The following SHCBP1 variants were observed in gnomAD, a reference collection of about 807,000 sequenced individuals.
SHCBP1 encodes SHC SH2 domain-binding protein 1.
In SHCBP1, 60 loss-of-function variants were observed where a neutral mutation model predicts 75.1. That is an observed-to-expected ratio of 0.80 (90% CI 0.65 to 0.99). SHCBP1 has a LOEUF of 0.99. Among genes scored for constraint, SHCBP1 ranks in the 50% least tolerant of loss-of-function variants. SHCBP1 has a pLI of 0.00. For missense variants in SHCBP1, 709 were observed against 809.4 expected, an observed-to-expected ratio of 0.88 and a Z score of 1.50; for synonymous variants, 290 against 293.2, an observed-to-expected ratio of 0.99 and a Z score of 0.11.
rs1306317986 is a variant in SHCBP1, at chr16:46,581,810, C to A, written c.1938G>T (p.Met646Ile). 6.2e-7 allele frequency: 1 copy of A among 1,614,200 alleles called. No individual in the cohort carries two copies. The highest frequency in any genetic ancestry group is 8.5e-7 in the Non-Finnish European group (1 of 1,180,028). Residue 646 changes from methionine (M) to isoleucine (I), a missense_variant, in exon 13 of 13, where the codon ATG (methionine) becomes ATT (isoleucine). Met to Ile is a conservative substitution (Grantham distance 10). Transcript: ENST00000303383. ...CAATCCCAACAAACATCTCCTGTGA[C>A]ATTAAGTTGTCATCAGCTTGCGTGA... ...LGITQADDNL[M>I]SQEMFVGIVG...
chr16:46,579,031 T>C lies in SHCBP1; in HGVS notation c.*2698A>G, dbSNP rs1291820757. 2.6e-5 allele frequency among the ~76,000 whole-genome samples: 4 copies of C among 152,306 alleles called. No individual in the cohort carries two copies. The East Asian group carries it at 7.7e-4, about 29-fold the overall frequency. On this transcript the variant is annotated 3_prime_UTR_variant, in exon 13 of 13. Coordinates refer to ENST00000303383, the MANE Select transcript of SHCBP1 (RefSeq NM_024745.5). ...ATGATCTCTGGGCAGTTTTTAAAAA[T>C]ATATTCGTGTTAATATCTATGGTGC...
intron 9 of SHCBP1, among the ~76,000 whole-genome samples, chr16:46,599,614 G>C (rs1965195884): frequency 1.5e-5 from 2 of 136,584 alleles, no homozygotes; most frequent in South Asian, 2.5e-4. Context: ...TATGCTCTTG[G>C]GAAAATGGTG....
At chr16:46,618,141 A>T in intron 2 of SHCBP1, 64 bp downstream of exon 2, 1 of 1,489,126 alleles carries the variant, frequency 6.7e-7, no homozygotes, top group Non-Finnish European at 9.0e-7. Context: ...GCACCATCGC[A>T]CTCCAGCCTG....
At chr16:46,588,558 A>T (rs996549681) in intron 10 of SHCBP1, among the ~76,000 whole-genome samples, 2 of 152,226 alleles carry the variant, frequency 1.3e-5, no homozygotes, top group African/African-American at 4.8e-5. Flanking sequence ...ATGCAAATAA[A>T]CTAGAAAATC....
At chr16:46,610,683 C>T (rs764193849) in intron 4 of SHCBP1, among the ~76,000 whole-genome samples, 4 of 150,778 alleles carry the variant, frequency 2.7e-5, no homozygotes, top group East Asian at 2.0e-4. Context: ...CTCAGCCTCC[C>T]GAGTAGCTGG....
intron 3 of SHCBP1, 61 bp downstream of exon 3, chr16:46,617,573 A>G: frequency 7.8e-7 from 1 of 1,283,968 alleles, no homozygotes; most frequent in East Asian, 2.3e-5. Context: ...TTTGGATATA[A>G]CAGTCTGAAG....
Position 46,617,711 on chromosome 16 carries a change from C to A in SHCBP1, c.310G>T (p.Glu104Ter). The stretch of plus-strand genomic sequence containing the variant: ...GGCTCAAGGACCTTCTCCAAGAACT[C>A]AGCTGTGAATTCCTGTACCTCAGAG... ...KASEVQEFTA[E>*]FLEKVLEPSG... Residue 104 changes from glutamate to a stop codon, truncating the protein, a stop_gained, in exon 3 of 13, where the codon GAG becomes TAG. Transcript: ENST00000303383. LOFTEE classifies it high-confidence loss of function. 1 of 1,613,102 alleles carries A rather than the reference C, an allele frequency of 6.2e-7. No homozygotes were observed. Among genetic ancestry groups the A allele is most frequent in the Non-Finnish European group, 8.5e-7 (1 of 1,180,010 alleles).
intron 4 of SHCBP1, 63 bp downstream of exon 4, chr16:46,615,883 A>T (rs1965488435): frequency 7.2e-6 from 11 of 1,517,692 alleles, no homozygotes; most frequent in Non-Finnish European, 1.0e-5. Context: ...CACAGACCAG[A>T]ATTACTTCAT....
At position 46,617,688 on chromosome 16, in the gene SHCBP1, C is replaced by T. The variant is rs1965523186; in HGVS notation, c.333G>A (p.Glu111=). The T allele has an allele frequency of 6.2e-7, 1 of 1,613,576 alleles. No homozygotes were observed. Among genetic ancestry groups the T allele is most frequent in the South Asian group, 1.1e-5 (1 of 91,050 alleles). The change falls in exon 3 of 13, where the codon GAG becomes GAA. Residue 111 remains glutamate (E), a synonymous_variant. Transcript: ENST00000303383. The part of the protein sequence containing the change: ...FTAEFLEKVL[E]PSGWRAVWHT... ...GCCAGACTGCCCGCCATCCAGATGG[C>T]TCAAGGACCTTCTCCAAGAACTCAG... is the stretch of plus-strand genomic sequence containing the variant.
chr16:46,587,784 G>A (rs1964975416), intron 10 of SHCBP1, among the ~76,000 whole-genome samples: 1 of 152,110 alleles, frequency 6.6e-6, no homozygotes, highest in African/African-American at 2.4e-5. Context: ...GGATACCCAG[G>A]AATTGAACTC....
At chr16:46,615,753 A>T (rs1294205882) in intron 4 of SHCBP1, among the ~76,000 whole-genome samples, 193 bp downstream of exon 4, 1 of 151,738 alleles carries the variant, frequency 6.6e-6, no homozygotes, top group Admixed American at 6.6e-5. Context: ...ATTAAAAAAT[A>T]AAAAAAAAGA....
intron 10 of SHCBP1, among the ~76,000 whole-genome samples, chr16:46,592,975 A>AAAAAAAAAAAAAAC (rs1965073602): frequency 6.8e-6 from 1 of 148,032 alleles, no homozygotes; most frequent in African/African-American, 2.5e-5. Context: ...AAAAAAAAAA[A>AAAAAAAAAAAAAAC]AGCAGAAATT....
intron 10 of SHCBP1, among the ~76,000 whole-genome samples, chr16:46,588,028 C>T (rs1386229893): frequency 3.9e-5 from 6 of 152,262 alleles, no homozygotes; most frequent in South Asian, 4.1e-4. Context: ...AACAAAACTG[C>T]TCCACTACAT....
intron 10 of SHCBP1, among the ~76,000 whole-genome samples, chr16:46,587,927 C>T (rs1033723752): frequency 6.6e-6 from 1 of 152,192 alleles, no homozygotes; most frequent in African/African-American, 2.4e-5. Context: ...AAGCACTCCT[C>T]AGCAAATATA....
Position 46,580,680 on chromosome 16 carries a change from G to A in SHCBP1, c.*1049C>T, listed in dbSNP as rs866652634. Reference sequence around the variant, plus strand: ...CAAGAACACCCAGCAGATACAGGTTGTACAGTTAATCATTTTGACTGTGTC... The same window carrying A: ...CAAGAACACCCAGCAGATACAGGTTATACAGTTAATCATTTTGACTGTGTC... On this transcript the variant is annotated 3_prime_UTR_variant, in exon 13 of 13. Coordinates refer to ENST00000303383, the MANE Select transcript of SHCBP1 (RefSeq NM_024745.5). 2 of 151,982 alleles carry A rather than the reference G, an allele frequency of 1.3e-5. No individual in the cohort carries two copies. Among genetic ancestry groups the A allele is most frequent in the African/African-American group, 2.4e-5 (1 of 41,376 alleles). The allele number at this position is 151,982 out of a possible 1,614,324, so 9.4% of individuals were successfully genotyped here. A position where few individuals can be genotyped will look rare whatever the true frequency, so the allele number is the denominator to read the frequency against.
chr16:46,585,481 C>A lies in SHCBP1; in HGVS notation c.1465-1392G>T, dbSNP rs186193456. Among the ~76,000 whole-genome samples, 78 of 152,240 alleles carry A rather than the reference C, an allele frequency of 5.1e-4. 1 individual carries two copies. The highest frequency in any genetic ancestry group is 3.4e-3 in the Middle Eastern group (1 of 294). ...TGCTTCATAATCCCTAGACTTGGAG[C>A]TGAAGAAGCCAGCAATCCAGTACAC... On this transcript the variant is annotated intron_variant, in intron 10 of 12. Coordinates refer to ENST00000303383, the MANE Select transcript of SHCBP1 (RefSeq NM_024745.5).
intron 1 of SHCBP1, among the ~76,000 whole-genome samples, chr16:46,619,023 A>G (rs1274660401): frequency 2.0e-5 from 3 of 152,160 alleles, no homozygotes; most frequent in African/African-American, 7.2e-5. Context: ...CAGTCTGTCA[A>G]TCGCCCCTCA....
At position 46,599,855 on chromosome 16, in the gene SHCBP1, G is replaced by A. The variant is rs757985863; in HGVS notation, c.1321C>T (p.His441Tyr). The change falls in exon 9 of 13, where the codon CAT (histidine) becomes TAT (tyrosine). Residue 441 changes from histidine to tyrosine, a missense_variant. Coordinates refer to ENST00000303383, the MANE Select transcript of SHCBP1 (RefSeq NM_024745.5). ...IKISGIKFVQHDAVEGILIVH... is the reference protein window; with the variant it reads ...IKISGIKFVQYDAVEGILIVH... ...CTTAAGATTCCCTCTACAGCATCATGCTGAACAAATTTTATGCCTGAGATT... is the reference window on the plus strand; with the variant it reads ...CTTAAGATTCCCTCTACAGCATCATACTGAACAAATTTTATGCCTGAGATT... The A allele has an allele frequency of 2.5e-6, 4 of 1,611,334 alleles. No homozygotes were observed. Among genetic ancestry groups the A allele is most frequent in the Admixed American group, 3.4e-5 (2 of 59,314 alleles).
At chr16:46,610,271 T>A (rs1382587659) in intron 4 of SHCBP1, among the ~76,000 whole-genome samples, 1 of 152,148 alleles carries the variant, frequency 6.6e-6, no homozygotes, top group African/African-American at 2.4e-5. Context: ...ATTTTTAGTA[T>A]GTATCTCTAA....
Sources: allele counts gnomAD v4.1 joint callset (sites outside exome capture counted in the v4.1 genomes callset), GRCh38; gene constraint gnomAD v4.1.1; transcripts MANE v1.5; gene names NCBI Gene and HGNC (gene_info 2026-07-23, HGNC 2026-07-21).